Variants in CDH13 observed in about 807,000 individuals in gnomAD.
CDH13 encodes the protein cadherin-13.
CDH13 carries 24 observed loss-of-function variants against 63.8 expected under a neutral mutation model. That is an observed-to-expected ratio of 0.38 (90% CI 0.27 to 0.53). The LOEUF is 0.53. CDH13 is among the 20% of genes least tolerant of loss of function. The pLI is 0.85. For missense variants in CDH13, 1,049 were observed against 903.1 expected (o/e 1.16, Z -2.07); for synonymous variants, 503 against 355.3 (o/e 1.42, Z -4.67).
chr16:83,772,894 G>A (rs531682244), intron 11 of CDH13: 1 of 152,372 alleles, frequency 6.6e-6, no homozygotes, highest in South Asian at 2.1e-4. Context: ...GACAGAGTTT[G>A]AAAGGCAAAG....
At position 82,858,432 on chromosome 16, in the gene CDH13, A is replaced by G. The variant is rs72807847; in HGVS notation, c.116A>G (p.Asn39Ser). Residue 39 changes from asparagine to serine, a missense_variant, in exon 2 of 14, where the codon AAT becomes AGT. Physicochemically the swap from Asn to Ser is conservative, Grantham distance 46. Coordinates refer to ENST00000567109, the MANE Select transcript of CDH13 (RefSeq NM_001257.5). ...PGFQQKVFHI[N>S]QPAEFIEDQS... ...TTTCAGCAGAAAGTGTTCCATATCA[A>G]TCAGCCAGCTGAATTCATTGAGGAC... The G allele has an allele frequency of 0.014, 22,885 of 1,613,538 alleles. 532 individuals carry two copies. The highest frequency in any genetic ancestry group is 0.077 in the South Asian group (7,045 of 91,028).
intron 7 of CDH13, among the ~76,000 whole-genome samples, chr16:83,553,976 T>C (rs1029711984): frequency 1.3e-5 from 2 of 152,242 alleles, no homozygotes; most frequent in Non-Finnish European, 2.9e-5. Flanking sequence ...TAAACGATTC[T>C]GCAGTGAACA....
intron 2 of CDH13, among the ~76,000 whole-genome samples, chr16:82,870,802 A>T (rs1443656467): frequency 6.6e-6 from 1 of 152,256 alleles, no homozygotes; most frequent in Admixed American, 6.5e-5. Flanking sequence ...ACTTTTTAAA[A>T]TATTAATCTA....
At chr16:82,707,220 TAACTG>T (rs1356344993) in intron 1 of CDH13, among the ~76,000 whole-genome samples, 1 of 152,230 alleles carries the variant, frequency 6.6e-6, no homozygotes, top group Non-Finnish European at 1.5e-5. Flanking sequence ...TTTTCTCCAT[TAACTG>T]AACAAAAGCC....
intron 2 of CDH13, chr16:82,954,301 G>A (rs1308213428): frequency 6.6e-6 from 1 of 152,120 alleles, no homozygotes; most frequent in Non-Finnish European, 1.5e-5. Context: ...GGAACTTCCA[G>A]TTCACCCTGT....
At chr16:83,730,876 C>G (rs1910967235) in intron 10 of CDH13, among the ~76,000 whole-genome samples, 1 of 152,164 alleles carries the variant, frequency 6.6e-6, no homozygotes, top group Admixed American at 6.5e-5. Flanking sequence ...TGTGTGTACT[C>G]AATGTTTAGC....
chr16:83,367,242 G>A (rs182056686), intron 6 of CDH13, among the ~76,000 whole-genome samples: 1 of 152,040 alleles, frequency 6.6e-6, no homozygotes, highest in Non-Finnish European at 1.5e-5. Flanking sequence ...CCTTTTGTGT[G>A]TCTTCTTTCA....
chr16:83,049,157 T>C (rs1211054112), intron 3 of CDH13, among the ~76,000 whole-genome samples: 2 of 152,136 alleles, frequency 1.3e-5, no homozygotes, highest in Non-Finnish European at 2.9e-5. Flanking sequence ...TCTAATGTTG[T>C]GCAACCACTA....
In CDH13 at chr16:83,340,623, C is replaced by G. The variant is rs190275252; in HGVS notation, c.637-4239C>G. 2.6e-5 allele frequency among the ~76,000 whole-genome samples: 4 copies of G among 152,260 alleles called. No individual in the cohort carries two copies. The East Asian group carries it at 7.7e-4, about 29-fold the overall frequency. On this transcript the variant is annotated intron_variant, in intron 5 of 13. Transcript: ENST00000567109. ...TAGAAACAATGTTAAAATGGGTTTC[C>G]TCTGTAGGATCTAGACAGGACCGAG...
At chr16:83,181,393 G>A (rs2038344742) in intron 4 of CDH13, among the ~76,000 whole-genome samples, 1 of 152,180 alleles carries the variant, frequency 6.6e-6, no homozygotes, top group Admixed American at 6.5e-5. Flanking sequence ...GGTGGCTCTA[G>A]CCTAGGTGCC....
At chr16:83,011,958 C>G (rs995698561) in intron 2 of CDH13, among the ~76,000 whole-genome samples, 1 of 152,076 alleles carries the variant, frequency 6.6e-6, no homozygotes, top group Non-Finnish European at 1.5e-5. Context: ...GTAACGCTGC[C>G]TTATTCTCCT....
intron 7 of CDH13, among the ~76,000 whole-genome samples, chr16:83,560,904 C>CCA (rs1567764665): frequency 6.6e-6 from 1 of 152,058 alleles, no homozygotes; most frequent in Admixed American, 6.5e-5. Context: ...GGTTGGCCCC[C>CCA]CCCCCGCCCC....
At position 83,181,555 on chromosome 16, in the gene CDH13, T is replaced by C. The variant is rs115662279; in HGVS notation, c.484-35790T>C. On this transcript the variant is annotated intron_variant, in intron 4 of 13. Coordinates refer to ENST00000567109, the MANE Select transcript of CDH13 (RefSeq NM_001257.5). ...CCTCAGTTATGTCATCATTAAAATG[T>C]ACATGAGCTAGAATCTTATGCCTGC... Among the ~76,000 whole-genome samples, 790 of 152,334 alleles carry C rather than the reference T, an allele frequency of 5.2e-3. 3 individuals are homozygous for C. Among genetic ancestry groups the C allele is most frequent in the African/African-American group, 0.017 (719 of 41,578 alleles).
chr16:82,673,549 G>A (rs1387062948), intron 1 of CDH13, among the ~76,000 whole-genome samples: 2 of 152,222 alleles, frequency 1.3e-5, no homozygotes, highest in Admixed American at 6.5e-5. Context: ...ACAGGTATTA[G>A]ATGAGCATGA....
At chr16:82,901,649 A>C (rs1426739861) in intron 2 of CDH13, among the ~76,000 whole-genome samples, 2 of 152,214 alleles carry the variant, frequency 1.3e-5, no homozygotes, top group Admixed American at 6.5e-5. Flanking sequence ...GAACCAACAA[A>C]TATTGATTGG....
intron 6 of CDH13, among the ~76,000 whole-genome samples, chr16:83,426,972 G>A (rs1221321938): frequency 1.6e-5 from 2 of 125,792 alleles, no homozygotes; most frequent in Non-Finnish European, 1.6e-5. Context: ...TGTCGCCCAG[G>A]CTAGAGTGCA....
intron 2 of CDH13, among the ~76,000 whole-genome samples, chr16:82,928,769 T>C (rs918650079): frequency 1.3e-5 from 2 of 152,222 alleles, no homozygotes; most frequent in Non-Finnish European, 2.9e-5. Flanking sequence ...CTTACACTTT[T>C]TATTATATCT....
At chr16:83,440,802 A>G (rs1207602683) in intron 6 of CDH13, among the ~76,000 whole-genome samples, 6 of 134,586 alleles carry the variant, frequency 4.5e-5, no homozygotes, top group East Asian at 2.4e-4. Flanking sequence ...AAAAAAAAAA[A>G]GCGGGGGAGG....
At chr16:83,099,454 G>T (rs138364341) in intron 3 of CDH13, among the ~76,000 whole-genome samples, 1 of 151,690 alleles carries the variant, frequency 6.6e-6, no homozygotes, top group Non-Finnish European at 1.5e-5. Context: ...CTCCAGAGTA[G>T]CTGGGATTAC....
Sources: gnomAD v4.1 joint callset for allele counts (sites outside exome capture counted in the v4.1 genomes callset) on GRCh38, gnomAD v4.1.1 for gene constraint, MANE v1.5 for transcripts, NCBI Gene and HGNC (gene_info 2026-07-23, HGNC 2026-07-21) for gene names.